The following CORO2B variants were observed in gnomAD, a reference collection of about 807,000 sequenced individuals.
CORO2B encodes coronin-2B.
CORO2B carries 26 observed loss-of-function variants against 58.8 expected under a neutral mutation model. That is an observed-to-expected ratio of 0.44 (90% CI 0.32 to 0.61). The LOEUF is 0.61. Among genes scored for constraint, CORO2B ranks in the 20% least tolerant of loss-of-function variants. The pLI is 0.04. For missense variants in CORO2B, 460 were observed against 645.1 expected (o/e 0.71, Z 3.11); for synonymous variants, 242 against 253.8 (o/e 0.95, Z 0.44).
At chr15:68,674,608 C>T (rs574596147) in intron 2 of CORO2B, among the ~76,000 whole-genome samples, 18 of 152,272 alleles carry the variant, frequency 1.2e-4, no homozygotes, top group African/African-American at 3.8e-4. Context: ...CTTGCACTGG[C>T]GGTGGGGTGG....
At chr15:68,555,679 T>A in the CORO2B span, among the ~76,000 whole-genome samples, 1 of 152,214 alleles carries the variant, frequency 6.6e-6, no homozygotes, top group Non-Finnish European at 1.5e-5. Context: ...TGATATTAAG[T>A]TGTCACAGAA....
intron 2 of CORO2B, among the ~76,000 whole-genome samples, chr15:68,672,986 A>G (rs1004720783): frequency 1.3e-5 from 2 of 152,174 alleles, no homozygotes; most frequent in African/African-American, 4.8e-5. Flanking sequence ...GATCAGGTGC[A>G]GGTGGATGTG....
chr15:68,547,514 TTG>T, the CORO2B span, among the ~76,000 whole-genome samples: 1 of 152,164 alleles, frequency 6.6e-6, no homozygotes, highest in African/African-American at 2.4e-5. Flanking sequence ...GCTAATTTTT[TTG>T]TGTTTTTAGT....
chr15:68,628,549 G>A (rs1900744054), intron 1 of CORO2B, among the ~76,000 whole-genome samples: 1 of 152,204 alleles, frequency 6.6e-6, no homozygotes, highest in Non-Finnish European at 1.5e-5. Flanking sequence ...ATAGAAACAG[G>A]TGAGTCAAGG....
rs903113181 is a variant in CORO2B at position 68,645,956 on chromosome 15, T to C, written c.216+596T>C. 4.6e-5 allele frequency among the ~76,000 whole-genome samples: 7 copies of C among 152,036 alleles called. No homozygotes were observed. The highest frequency in any genetic ancestry group is 1.7e-4 in the African/African-American group (7 of 41,410). On this transcript the variant is annotated intron_variant, in intron 2 of 11. Coordinates refer to ENST00000261861, the MANE Select transcript of CORO2B (RefSeq NM_006091.5). This position sits in a 1 kb window ranked among gnomAD's most constrained non-coding sequence, Gnocchi z 4.5. ...GCCCAGCTAATTTTTGTATTTTCAGTAGAGATGGGGTTTCACCATGTTGGT... is the reference window on the plus strand; with the variant it reads ...GCCCAGCTAATTTTTGTATTTTCAGCAGAGATGGGGTTTCACCATGTTGGT...
the CORO2B span, among the ~76,000 whole-genome samples, chr15:68,563,534 GA>G: frequency 4.0e-5 from 6 of 150,064 alleles, no homozygotes; most frequent in Non-Finnish European, 7.4e-5. Context: ...GAAGAGAAAA[GA>G]AAAAAATTAA....
intron 2 of CORO2B, among the ~76,000 whole-genome samples, chr15:68,674,662 G>A (rs1225249335): frequency 6.6e-6 from 1 of 152,246 alleles, no homozygotes; most frequent in Non-Finnish European, 1.5e-5. Flanking sequence ...CGTGGGCAGT[G>A]GCTTCTCCGT....
intron 1 of CORO2B, among the ~76,000 whole-genome samples, chr15:68,596,968 G>T (rs1899846723): frequency 6.6e-6 from 1 of 152,164 alleles, no homozygotes; most frequent in Non-Finnish European, 1.5e-5. Flanking sequence ...ACTGGGTCTT[G>T]TCCTCCTGCA....
At chr15:68,599,440 A>G (rs1899919268) in intron 1 of CORO2B, among the ~76,000 whole-genome samples, 1 of 152,190 alleles carries the variant, frequency 6.6e-6, no homozygotes, top group African/African-American at 2.4e-5. Context: ...TATTTTTTGC[A>G]TGGATATAAG....
chr15:68,591,980 C>T (rs1047612289), intron 1 of CORO2B, among the ~76,000 whole-genome samples: 2 of 152,170 alleles, frequency 1.3e-5, no homozygotes, highest in East Asian at 3.9e-4. Context: ...GGGACTGCCT[C>T]ACCTGGTTTG....
rs763566862 is a variant in CORO2B at position 68,710,751 on chromosome 15, C to G, written c.353C>G (p.Pro118Arg). ...CTGCAGGTGCGGATCTGGGAGATCC[C>G]CGAGGGCGGGCTGAAGCGGAACATG... ...EDTSVRIWEI[P>R]EGGLKRNMTE... Residue 118 changes from proline to arginine, a missense_variant, in exon 4 of 12, where the codon CCC (proline) becomes CGC (arginine). Pro to Arg is a moderately radical substitution (Grantham distance 103). Around this residue, in one of 2 missense-constraint regions of CORO2B, gnomAD observed 352 missense variants for 543.0 expected, o/e 0.65. Transcript: ENST00000261861. The surrounding 1 kb of genome is among the most constrained non-coding windows in gnomAD (Gnocchi z 4.1). The G allele has an allele frequency of 6.2e-7, 1 of 1,609,318 alleles. No individual in the cohort carries two copies. The highest frequency in any genetic ancestry group is 8.5e-7 in the Non-Finnish European group (1 of 1,177,768).
At chr15:68,697,738 G>C (rs971614437) in intron 3 of CORO2B, among the ~76,000 whole-genome samples, 1 of 152,218 alleles carries the variant, frequency 6.6e-6, no homozygotes, top group Non-Finnish European at 1.5e-5. Context: ...GAAGGGCACA[G>C]GTGCTGGAGC....
intron 1 of CORO2B, among the ~76,000 whole-genome samples, chr15:68,639,347 C>T (rs986971524): frequency 4.6e-5 from 7 of 152,202 alleles, no homozygotes; most frequent in Non-Finnish European, 1.0e-4. Flanking sequence ...AAACCACTAA[C>T]TGGAGAAAGA....
intron 1 of CORO2B, among the ~76,000 whole-genome samples, chr15:68,615,217 C>T (rs1166137140): frequency 1.3e-5 from 2 of 152,192 alleles, no homozygotes; most frequent in Non-Finnish European, 2.9e-5. Context: ...CTGGGTCTCT[C>T]TGACTAACCG....
chr15:68,519,456 T>C, the CORO2B span, among the ~76,000 whole-genome samples: 1 of 152,222 alleles, frequency 6.6e-6, no homozygotes, highest in Non-Finnish European at 1.5e-5. Flanking sequence ...GGCAGTCTGA[T>C]TTTAGAAGGT....
chr15:68,657,447 G>A (rs1372360581), intron 2 of CORO2B, among the ~76,000 whole-genome samples: 1 of 148,494 alleles, frequency 6.7e-6, no homozygotes. Flanking sequence ...AACCCGGGGA[G>A]GTTGAGGCTG....
intron 5 of CORO2B, 32 bp downstream of exon 5, chr15:68,711,738 G>A (rs747853339): frequency 4.3e-6 from 7 of 1,613,048 alleles, no homozygotes; most frequent in Non-Finnish European, 5.1e-6. Flanking sequence ...GATTGAAGGG[G>A]AAGGTATTGA....
intron 1 of CORO2B, among the ~76,000 whole-genome samples, chr15:68,586,829 C>T (rs376391676): frequency 1.4e-4 from 22 of 152,070 alleles, no homozygotes; most frequent in Non-Finnish European, 2.9e-4. Flanking sequence ...CGATGCCTCA[C>T]GGAGCCTCCT....
the CORO2B span, among the ~76,000 whole-genome samples, chr15:68,554,502 G>C: frequency 7.2e-5 from 11 of 152,272 alleles, no homozygotes; most frequent in African/African-American, 2.4e-4. Flanking sequence ...TCCTTTTGCA[G>C]AACTAGTCAG....
Sources: allele counts gnomAD v4.1 joint callset (sites outside exome capture counted in the v4.1 genomes callset), GRCh38; gene constraint gnomAD v4.1.1; regional missense constraint gnomAD v4.1.1; non-coding constraint Gnocchi (gnomAD v3.1); transcripts MANE v1.5; gene names NCBI Gene and HGNC (gene_info 2026-07-23, HGNC 2026-07-21).